MEF2A: variants seen among roughly 807,000 people sequenced by gnomAD.
MEF2A encodes the protein myocyte enhancer factor 2A, also known as myocyte-specific enhancer factor 2A.
A neutral mutation model predicts 55.8 loss-of-function variants in MEF2A; 28 were observed. The observed-to-expected ratio is 0.50, with a 90% CI of 0.37 to 0.69. The LOEUF (loss-of-function observed/expected upper bound fraction) is 0.69. MEF2A is among the 30% of genes least tolerant of loss of function. The pLI, the probability that MEF2A is intolerant of heterozygous loss-of-function variation, is 0.00. For synonymous variants in MEF2A, 239 were observed against 227.1 expected (o/e 1.05, Z -0.47); for missense variants, 528 against 626.2 (o/e 0.84, Z 1.67).
In MEF2A at chr15:99,712,367, CCTCT is replaced by C. The variant is rs1204583538; in HGVS notation, c.1137-18_1137-15del. The C allele has an allele frequency of 2.1e-5, 31 of 1,506,192 alleles. No homozygotes were observed. The highest frequency in any genetic ancestry group is 5.5e-5 in the African/African-American group (4 of 72,230). 93.3% of individuals were successfully genotyped at this position (1,506,192 alleles called of 1,614,324 possible). On this transcript the variant is annotated intron_variant, in intron 11 of 11. Coordinates refer to ENST00000557942, the MANE Select transcript of MEF2A (RefSeq NM_001319206.4). The surrounding 1 kb of genome is among the most constrained non-coding windows in gnomAD (Gnocchi z 4.1). ...GCAGAGGTACTTGCAAGCCATCTGA[CCTCT>C]CTCTTTTTTTTCCTTCAGTGCTGGA... is the stretch of plus-strand genomic sequence containing the variant.
chr15:99,600,032 A>G (rs569835395), intron 2 of MEF2A, among the ~76,000 whole-genome samples: 3 of 152,244 alleles, frequency 2.0e-5, no homozygotes, highest in Admixed American at 6.5e-5. Flanking sequence ...GGATCCTGGA[A>G]CCAATTTCCC....
intron 3 of MEF2A, among the ~76,000 whole-genome samples, chr15:99,642,558 C>T (rs991987323): frequency 2.7e-4 from 41 of 151,880 alleles, no homozygotes; most frequent in Admixed American, 1.6e-3. Flanking sequence ...CATTCATTTC[C>T]GAGCCATACC....
At chr15:99,700,144 C>T (rs2057181634) in intron 8 of MEF2A, among the ~76,000 whole-genome samples, 1 of 131,400 alleles carries the variant, frequency 7.6e-6, no homozygotes, top group Non-Finnish European at 1.6e-5. Context: ...AGGCATGAGC[C>T]ACTGTGCCCA....
At chr15:99,651,789 C>G (rs962582814) in intron 4 of MEF2A, among the ~76,000 whole-genome samples, 42 of 152,188 alleles carry the variant, frequency 2.8e-4, no homozygotes, top group African/African-American at 9.7e-4. Flanking sequence ...AGGGACTACA[C>G]GTCTCTAAGT....
chr15:99,697,615 A>G (rs962464125), intron 8 of MEF2A, among the ~76,000 whole-genome samples: 7 of 152,200 alleles, frequency 4.6e-5, no homozygotes, highest in African/African-American at 1.7e-4. Context: ...ACATCATGTT[A>G]ATGGATTTCA....
intron 4 of MEF2A, among the ~76,000 whole-genome samples, chr15:99,661,728 T>C (rs2048674289): frequency 6.6e-6 from 1 of 152,020 alleles, no homozygotes; most frequent in South Asian, 2.1e-4. Context: ...TTTGGCATTA[T>C]CTAGTATAAC....
At chr15:99,700,285 G>A (rs1222974661) in intron 8 of MEF2A, among the ~76,000 whole-genome samples, 1 of 147,696 alleles carries the variant, frequency 6.8e-6, no homozygotes, top group African/African-American at 2.5e-5. Context: ...AGGCTGAGGC[G>A]GGCAGATGTT....
At chr15:99,652,479 T>C (rs1177528445) in intron 4 of MEF2A, among the ~76,000 whole-genome samples, 1 of 152,042 alleles carries the variant, frequency 6.6e-6, no homozygotes, top group Non-Finnish European at 1.5e-5. Context: ...CTTTAAAGGT[T>C]ATGGTAGGTG....
chr15:99,583,615 A>G (rs1392905366), intron 1 of MEF2A, among the ~76,000 whole-genome samples: 1 of 152,122 alleles, frequency 6.6e-6, no homozygotes, highest in Non-Finnish European at 1.5e-5. Flanking sequence ...CATGATACTG[A>G]AGAGTAGGGC....
intron 1 of MEF2A, among the ~76,000 whole-genome samples, chr15:99,591,140 A>T (rs905807553): frequency 1.3e-5 from 2 of 152,080 alleles, no homozygotes; most frequent in African/African-American, 4.8e-5. Flanking sequence ...ATTAGGGCTC[A>T]CTCTGTGATG....
intron 4 of MEF2A, among the ~76,000 whole-genome samples, chr15:99,667,093 C>T (rs1050392977): frequency 6.6e-6 from 1 of 152,156 alleles, no homozygotes; most frequent in Non-Finnish European, 1.5e-5. Flanking sequence ...CCAATACTTG[C>T]TCCAATAATA....
chr15:99,706,340 A>G (rs1029903230), intron 9 of MEF2A, among the ~76,000 whole-genome samples: 5 of 152,266 alleles, frequency 3.3e-5, no homozygotes, highest in African/African-American at 1.2e-4. Context: ...TAGACGTACA[A>G]TCCCTATATA....
chr15:99,621,516 A>G (rs140274658), intron 2 of MEF2A, among the ~76,000 whole-genome samples: 1 of 152,304 alleles, frequency 6.6e-6, no homozygotes, highest in Non-Finnish European at 1.5e-5. Context: ...TTTGGGGGCC[A>G]TTCATTTGCA....
intron 4 of MEF2A, among the ~76,000 whole-genome samples, chr15:99,668,724 T>C (rs2050276188): frequency 6.6e-6 from 1 of 152,244 alleles, no homozygotes; most frequent in African/African-American, 2.4e-5. Context: ...AAACTGAAGC[T>C]GGCCAGGATC....
At chr15:99,597,133 A>G (rs1312048788) in intron 1 of MEF2A, among the ~76,000 whole-genome samples, 1 of 152,212 alleles carries the variant, frequency 6.6e-6, no homozygotes, top group Non-Finnish European at 1.5e-5. Context: ...AGCAAGAGAG[A>G]TAACCTTAAA....
At chr15:99,698,684 C>CA (rs1164423593) in intron 8 of MEF2A, among the ~76,000 whole-genome samples, 1 of 151,744 alleles carries the variant, frequency 6.6e-6, no homozygotes, top group African/African-American at 2.4e-5. Flanking sequence ...CCCAGCTACT[C>CA]AGGAGGCTGA....
intron 8 of MEF2A, among the ~76,000 whole-genome samples, chr15:99,697,702 C>T (rs1259588919): frequency 2.6e-5 from 4 of 152,174 alleles, no homozygotes; most frequent in African/African-American, 9.7e-5. Context: ...TCCCAGCAAG[C>T]TCTTTTGTAG....
chr15:99,678,289 T>A (rs2052518473), intron 7 of MEF2A, among the ~76,000 whole-genome samples: 1 of 152,318 alleles, frequency 6.6e-6, no homozygotes, highest in East Asian at 1.9e-4. Flanking sequence ...TCTATATGAT[T>A]AAGTTCTCTG....
chr15:99,710,092 C>T (rs1322285437), intron 10 of MEF2A, among the ~76,000 whole-genome samples: 1 of 152,180 alleles, frequency 6.6e-6, no homozygotes, highest in African/African-American at 2.4e-5. Flanking sequence ...TTGTACAGAA[C>T]ACTCTTTAAT....
Sources: allele counts gnomAD v4.1 joint callset (sites outside exome capture counted in the v4.1 genomes callset), GRCh38; gene constraint gnomAD v4.1.1; non-coding constraint Gnocchi (gnomAD v3.1); transcripts MANE v1.5; gene names NCBI Gene and HGNC (gene_info 2026-07-23, HGNC 2026-07-21).